PCDHGB5: variants seen among roughly 807,000 people sequenced by gnomAD.
PCDHGB5 encodes protocadherin gamma-B5.
Under a neutral mutation model 62.9 loss-of-function variants are expected in PCDHGB5, and 48 were observed. That is an observed-to-expected ratio of 0.76 (90% CI 0.61 to 0.97). PCDHGB5 has a LOEUF of 0.97. PCDHGB5 is among the 50% of genes least tolerant of loss of function. PCDHGB5 has a pLI of 0.00. For missense variants in PCDHGB5, 1,118 were observed against 1,198.6 expected (o/e 0.93, Z 0.99); for synonymous variants, 474 against 511.2 (o/e 0.93, Z 0.98).
Position 141,399,854 on chromosome 5 carries a change from G to A in PCDHGB5, c.1727G>A (p.Arg576His), listed in dbSNP as rs747617678. 6 of 1,612,786 alleles carry A rather than the reference G, an allele frequency of 3.7e-6. No homozygotes were observed. Among genetic ancestry groups the A allele is most frequent in the Non-Finnish European group, 5.1e-6 (6 of 1,179,812 alleles). Residue 576 changes from arginine (R) to histidine (H), a missense_variant, in exon 1 of 4, where the codon CGC (arginine) becomes CAC (histidine). Arg to His is a conservative substitution (Grantham distance 29). This residue lies in a region of PCDHGB5 where 1,034 missense variants were observed against 1,029.1 expected (regional missense o/e 1.00). Coordinates refer to ENST00000617380, the MANE Select transcript of PCDHGB5 (RefSeq NM_018925.3). ...TCTGCGCTCTTCGATATGGTGCCGC[G>A]CGCTGCAGAGCCCGGCTACCTGGTG... ...DGSALFDMVP[R>H]AAEPGYLVTK...
chr5:141,432,031 C>T lies in PCDHGB5; in HGVS notation c.2397+31507C>T. The T allele has an allele frequency of 6.2e-7, 1 of 1,614,220 alleles. No individual in the cohort carries two copies. Among genetic ancestry groups the T allele is most frequent in the Non-Finnish European group, 8.5e-7 (1 of 1,180,048 alleles). ...CTAGCTACAACATCACAGTGACCGC[C>T]ACTGACCGGGGAACCCCGCCCCTAT... On this transcript the variant is annotated intron_variant, in intron 1 of 3. Coordinates refer to ENST00000617380, the MANE Select transcript of PCDHGB5 (RefSeq NM_018925.3). This position sits in a 1 kb window ranked among gnomAD's most constrained non-coding sequence, Gnocchi z 6.0.
rs755270981 is a variant in PCDHGB5, at chr5:141,408,462, AGAACC to A, written c.2397+7942_2397+7946del. On this transcript the variant is annotated intron_variant, in intron 1 of 3. Coordinates refer to ENST00000617380, the MANE Select transcript of PCDHGB5 (RefSeq NM_018925.3). Reference sequence around the variant, plus strand: ...GCGGAGAGCGGGGACTTACTTGTGAAGAACCGAATAGACCGTGAGCAAATATGCAA... The same window carrying A: ...GCGGAGAGCGGGGACTTACTTGTGAAGAATAGACCGTGAGCAAATATGCAA... 2.2e-5 allele frequency: 35 copies of A among 1,613,962 alleles called. No homozygotes were observed. The South Asian group carries it at 3.3e-4, about 15-fold the overall frequency.
In PCDHGB5 at chr5:141,485,701, A is replaced by G. The variant is rs747748476; in HGVS notation, c.2398-9106A>G. The G allele has an allele frequency of 1.9e-6, 3 of 1,614,104 alleles. No homozygotes were observed. Among genetic ancestry groups the G allele is most frequent in the Non-Finnish European group, 2.5e-6 (3 of 1,180,010 alleles). On this transcript the variant is annotated intron_variant, in intron 1 of 3. Transcript: ENST00000617380. The surrounding 1 kb of genome is among the most constrained non-coding windows in gnomAD (Gnocchi z 5.7). ...GCAGCTATAGGCTGAGCTCCAATGAACACTTTGCACTGGATGTGAAGAAGC... is the reference window on the plus strand; with the variant it reads ...GCAGCTATAGGCTGAGCTCCAATGAGCACTTTGCACTGGATGTGAAGAAGC...
At chr5:141,440,838 C>A (rs2098204954) in intron 1 of PCDHGB5, 1 of 152,102 alleles carries the variant, frequency 6.6e-6, no homozygotes, top group African/African-American at 2.4e-5. Context: ...TTGGTTGAAG[C>A]CAATGACAAC....
chr5:141,446,759 G>A (rs983129633), intron 1 of PCDHGB5, among the ~76,000 whole-genome samples: 5 of 152,026 alleles, frequency 3.3e-5, no homozygotes, highest in Admixed American at 1.3e-4. Flanking sequence ...GAGCCACCGC[G>A]CCCAGCCGGT....
At chr5:141,478,215 T>C (rs764444582) in intron 1 of PCDHGB5, 11 of 1,614,118 alleles carry the variant, frequency 6.8e-6, no homozygotes. Context: ...TCTCTAATCC[T>C]GGTTTCTGTG....
Position 141,489,595 on chromosome 5 carries a change from G to A in PCDHGB5, c.2398-5212G>A. The A allele has an allele frequency of 1.2e-6, 2 of 1,614,132 alleles. No individual in the cohort carries two copies. Among genetic ancestry groups the A allele is most frequent in the Non-Finnish European group, 1.7e-6 (2 of 1,180,004 alleles). On this transcript the variant is annotated intron_variant, in intron 1 of 3. Coordinates refer to ENST00000617380, the MANE Select transcript of PCDHGB5 (RefSeq NM_018925.3). The surrounding 1 kb of genome is among the most constrained non-coding windows in gnomAD (Gnocchi z 4.5). Reference sequence around the variant, plus strand: ...TGAACACCCCCTGGAGCTAATCCGTGTAGAGGTAGAGATCCTGGATCTCAA... The same window carrying A: ...TGAACACCCCCTGGAGCTAATCCGTATAGAGGTAGAGATCCTGGATCTCAA...
Position 141,486,617 on chromosome 5 carries a change from C to G in PCDHGB5, c.2398-8190C>G. ...GCTTTGCTCCCTTGCAGCCTCTGAC[C>G]CAGACTCTGGCTTGAATGCGCTTAT... On this transcript the variant is annotated intron_variant, in intron 1 of 3. Transcript: ENST00000617380. This position sits in a 1 kb window ranked among gnomAD's most constrained non-coding sequence, Gnocchi z 5.0. 1 of 1,613,602 alleles carries G rather than the reference C, an allele frequency of 6.2e-7. No homozygotes were observed. Among genetic ancestry groups the G allele is most frequent in the South Asian group, 1.1e-5 (1 of 91,086 alleles).
chr5:141,454,693 A>G (rs951819293), intron 1 of PCDHGB5, among the ~76,000 whole-genome samples: 1 of 151,738 alleles, frequency 6.6e-6, no homozygotes, highest in Non-Finnish European at 1.5e-5. Context: ...GGCATGAGCC[A>G]CCATGCTCCA....
At chr5:141,406,421 A>G (rs981815055) in intron 1 of PCDHGB5, among the ~76,000 whole-genome samples, 2 of 152,222 alleles carry the variant, frequency 1.3e-5, no homozygotes, top group East Asian at 1.9e-4. Flanking sequence ...GAAAGCCCAG[A>G]TTTATTGCTT....
intron 1 of PCDHGB5, chr5:141,405,099 T>C: frequency 6.2e-7 from 1 of 1,613,942 alleles, no homozygotes; most frequent in East Asian, 2.2e-5. Flanking sequence ...GCCCTCAGGC[T>C]GAGGCACTGG....
chr5:141,449,837 TAATTA>T (rs1054425190), intron 1 of PCDHGB5, among the ~76,000 whole-genome samples: 11 of 151,856 alleles, frequency 7.2e-5, no homozygotes, highest in Middle Eastern at 3.4e-3. Context: ...TTCTTTTATA[TAATTA>T]AATTTTAATA....
intron 1 of PCDHGB5, among the ~76,000 whole-genome samples, chr5:141,482,592 C>T (rs187714622): frequency 1.0e-4 from 15 of 142,934 alleles, no homozygotes; most frequent in East Asian, 6.1e-4. Context: ...TGGGACCAAA[C>T]GGGAAAAAAC....
chr5:141,504,135 C>T (rs758903340), intron 2 of PCDHGB5, among the ~76,000 whole-genome samples: 1 of 152,188 alleles, frequency 6.6e-6, no homozygotes, highest in Non-Finnish European at 1.5e-5. Context: ...CCCGCCAACA[C>T]TCCCCTGCAA....
chr5:141,442,014 G>T, intron 1 of PCDHGB5: 1 of 220,044 alleles, frequency 4.5e-6, no homozygotes, highest in Non-Finnish European at 9.2e-6. Flanking sequence ...TCGCACGATG[G>T]GCCACAGGAA....
At position 141,486,027 on chromosome 5, in the gene PCDHGB5, C is replaced by A. The variant is rs2099623152; in HGVS notation, c.2398-8780C>A. 2 of 1,614,048 alleles carry A rather than the reference C, an allele frequency of 1.2e-6. No individual in the cohort carries two copies. Among genetic ancestry groups the A allele is most frequent in the African/African-American group, 2.7e-5 (2 of 74,912 alleles). On this transcript the variant is annotated intron_variant, in intron 1 of 3. Coordinates refer to ENST00000617380, the MANE Select transcript of PCDHGB5 (RefSeq NM_018925.3). The surrounding 1 kb of genome is among the most constrained non-coding windows in gnomAD (Gnocchi z 5.0). ...GTCACCTTTTATTTCAGTGGTCATA[C>A]CCCTGATCGTGTAAGAAACCTCTTT...
chr5:141,421,538 T>A, intron 1 of PCDHGB5: 2 of 1,614,028 alleles, frequency 1.2e-6, no homozygotes, highest in Non-Finnish European at 1.7e-6. Context: ...TCCTCCTGTT[T>A]TTTAAATATG....
chr5:141,419,999 C>T (rs369649545), intron 1 of PCDHGB5: 4 of 1,613,960 alleles, frequency 2.5e-6, no homozygotes, highest in Non-Finnish European at 3.4e-6. Flanking sequence ...TATTGCTCTA[C>T]GCCTGCGACA....
chr5:141,477,978 T>A lies in PCDHGB5; in HGVS notation c.2398-16829T>A. ...TCCCCTAACCAGAGCCTTTTTGCCA[T>A]AGGGCTGCACACTGGTCAAATCAGT... is the stretch of plus-strand genomic sequence containing the variant. On this transcript the variant is annotated intron_variant, in intron 1 of 3. Transcript: ENST00000617380. The surrounding 1 kb of genome is among the most constrained non-coding windows in gnomAD (Gnocchi z 4.9). The A allele has an allele frequency of 6.2e-7, 1 of 1,614,120 alleles. No individual in the cohort carries two copies. Among genetic ancestry groups the A allele is most frequent in the Non-Finnish European group, 8.5e-7 (1 of 1,180,022 alleles).
Sources: allele counts gnomAD v4.1 joint callset (sites outside exome capture counted in the v4.1 genomes callset), GRCh38; gene constraint gnomAD v4.1.1; regional missense constraint gnomAD v4.1.1; non-coding constraint Gnocchi (gnomAD v3.1); transcripts MANE v1.5; gene names NCBI Gene and HGNC (gene_info 2026-07-23, HGNC 2026-07-21).